The following MANSC1 variants were observed in gnomAD, a reference collection of about 807,000 sequenced individuals.
MANSC1 encodes the protein MANSC domain-containing protein 1.
Under a neutral mutation model 14.1 loss-of-function variants are expected in MANSC1, and 13 were observed. That is an observed-to-expected ratio of 0.92 (90% CI 0.60 to 1.46). MANSC1 has a LOEUF of 1.46. Ranked by LOEUF, MANSC1 falls within the 40% of genes most tolerant of loss-of-function variation. MANSC1 has a pLI of 0.00. For synonymous variants in MANSC1, 227 were observed against 200.7 expected (o/e 1.13, Z -1.11); for missense variants, 486 against 511.4 (o/e 0.95, Z 0.48).
intron 2 of MANSC1, among the ~76,000 whole-genome samples, chr12:12,342,007 C>CA (rs1862940297): frequency 1.3e-5 from 2 of 152,198 alleles, no homozygotes; most frequent in African/African-American, 4.8e-5. Flanking sequence ...GACAAACAAA[C>CA]AAAAAAGTCC....
chr12:12,340,873 C>T (rs928059654), intron 2 of MANSC1, among the ~76,000 whole-genome samples: 17 of 152,122 alleles, frequency 1.1e-4, no homozygotes. Context: ...TTAAATTAAA[C>T]CTCTGTCATT....
chr12:12,341,896 G>C (rs1862938338), intron 2 of MANSC1, among the ~76,000 whole-genome samples: 1 of 152,230 alleles, frequency 6.6e-6, no homozygotes, highest in Non-Finnish European at 1.5e-5. Context: ...GGAGGCTGAG[G>C]CAGGAGAATC....
chr12:12,346,048 C>A (rs968794621), intron 1 of MANSC1, among the ~76,000 whole-genome samples: 1 of 152,138 alleles, frequency 6.6e-6, no homozygotes. Context: ...CCGAGGCAGG[C>A]AGATCATGAG....
Position 12,342,592 on chromosome 12 carries a change from T to G in MANSC1, c.223+500A>C, listed in dbSNP as rs796681248. Among the ~76,000 whole-genome samples, 807 of 118,726 alleles carry G rather than the reference T, an allele frequency of 6.8e-3. 9 individuals are homozygous for G. Among genetic ancestry groups the G allele is most frequent in the African/African-American group, 0.021 (695 of 33,772 alleles). The allele number at this position is 118,726 out of a possible 152,430, so 77.9% of individuals were successfully genotyped here. A position where few individuals can be genotyped will look rare whatever the true frequency, so the allele number is the denominator to read the frequency against. ...GTAGTCAGTGTTTTTTTGTTTTTTT[T>G]TTTTTTTTTTTTTTTTGACTTATCC... On this transcript the variant is annotated intron_variant, in intron 2 of 3. Coordinates refer to ENST00000535902, the MANE Select transcript of MANSC1 (RefSeq NM_018050.4).
At position 12,350,221 on chromosome 12, in the gene MANSC1, G is replaced by A. The variant is rs905059884; in HGVS notation, c.-244C>T. 2 of 152,244 alleles carry A rather than the reference G, an allele frequency of 1.3e-5. No homozygotes were observed. Among genetic ancestry groups the A allele is most frequent in the African/African-American group, 4.8e-5 (2 of 41,462 alleles). 9.4% of individuals were successfully genotyped at this position (152,244 alleles called of 1,614,324 possible). ...GCTCCGCAGCTCCCGCACCGGCCTG[G>A]CGGGTTTTGTGGTTAGCAAGTTCCT... On this transcript the variant is annotated 5_prime_UTR_variant, in exon 1 of 4. Transcript: ENST00000535902.
intron 3 of MANSC1, among the ~76,000 whole-genome samples, chr12:12,334,189 A>AGGCTGCAGTGAGCCATGATCGCGC: frequency 6.6e-6 from 1 of 151,932 alleles, no homozygotes; most frequent in African/African-American, 2.4e-5. Flanking sequence ...CAGGAGGTGG[A>AGGCTGCAGTGAGCCATGATCGCGC]GGCTGCAGTG....
At chr12:12,337,812 A>G (rs1221512762) in intron 3 of MANSC1, among the ~76,000 whole-genome samples, 2 of 152,172 alleles carry the variant, frequency 1.3e-5, no homozygotes, top group Non-Finnish European at 2.9e-5. Flanking sequence ...TTTGCTATTT[A>G]TTTTCCATTC....
At chr12:12,335,791 G>A (rs747570975) in intron 3 of MANSC1, among the ~76,000 whole-genome samples, 11 of 151,180 alleles carry the variant, frequency 7.3e-5, no homozygotes, top group African/African-American at 1.9e-4. Context: ...GCACTGAACC[G>A]ACACTGCATC....
chr12:12,335,908 C>T (rs1285676688), intron 3 of MANSC1, among the ~76,000 whole-genome samples: 11 of 151,886 alleles, frequency 7.2e-5, no homozygotes, highest in Admixed American at 7.2e-4. Context: ...CCCGGCCGGG[C>T]ACGGAGGCTC....
intron 3 of MANSC1, among the ~76,000 whole-genome samples, chr12:12,337,255 C>A (rs181613788): frequency 2.0e-5 from 3 of 151,740 alleles, no homozygotes; most frequent in Non-Finnish European, 4.4e-5. Flanking sequence ...CCAGCCTGGG[C>A]GACAGAGTGA....
intron 3 of MANSC1, among the ~76,000 whole-genome samples, chr12:12,334,093 C>T (rs1862826907): frequency 6.6e-6 from 1 of 151,648 alleles, no homozygotes; most frequent in Non-Finnish European, 1.5e-5. Flanking sequence ...TGCTACAAAA[C>T]ATTTTAAAAA....
At chr12:12,342,087 C>T (rs568119701) in intron 2 of MANSC1, among the ~76,000 whole-genome samples, 9 of 152,234 alleles carry the variant, frequency 5.9e-5, no homozygotes, top group South Asian at 2.1e-4. Context: ...GGACTACATG[C>T]GTGCACCAGC....
At position 12,343,404 on chromosome 12, in the gene MANSC1, G is replaced by A. The variant is rs970797128; in HGVS notation, c.-90C>T. ...GCTTTAAGAAGGCTGCACAGATGAT[G>A]AGATTTCTCTCTAGAACAAAAATGG... On this transcript the variant is annotated 5_prime_UTR_variant, in exon 2 of 4. Transcript: ENST00000535902. 48 of 801,936 alleles carry A rather than the reference G, an allele frequency of 6.0e-5. 1 individual carries two copies. In the Admixed American group the frequency reaches 1.2e-3, roughly 21 times the overall value. The allele number at this position is 801,936 out of a possible 1,614,324, so 49.7% of individuals were successfully genotyped here. A position where few individuals can be genotyped will look rare whatever the true frequency, so the allele number is the denominator to read the frequency against.
In MANSC1 at chr12:12,342,969, G is replaced by A. The variant is rs1467338797; in HGVS notation, c.223+123C>T. 4.3e-5 allele frequency: 30 copies of A among 702,318 alleles called. No individual in the cohort carries two copies. In the South Asian group the frequency reaches 5.2e-4, roughly 12 times the overall value. 43.5% of individuals were successfully genotyped at this position (702,318 alleles called of 1,614,324 possible). On this transcript the variant is annotated intron_variant, in intron 2 of 3. Transcript: ENST00000535902. ...GCACACTTGTAGAAAATTCTCCAGT[G>A]ATTTTGTCACTTATATTCATACCCT...
chr12:12,340,938 G>A (rs1001439190), intron 2 of MANSC1, among the ~76,000 whole-genome samples: 1 of 152,078 alleles, frequency 6.6e-6, no homozygotes, highest in African/African-American at 2.4e-5. Flanking sequence ...TGAGACCATC[G>A]AAGGGATTTT....
intron 3 of MANSC1, among the ~76,000 whole-genome samples, chr12:12,331,439 T>A (rs1418643882): frequency 1.3e-5 from 2 of 151,920 alleles, no homozygotes; most frequent in African/African-American, 4.8e-5. Context: ...ATGGAAAGGG[T>A]TCTCCGTCTT....
intron 2 of MANSC1, among the ~76,000 whole-genome samples, chr12:12,342,397 G>T (rs1261285578): frequency 6.6e-6 from 1 of 152,096 alleles, no homozygotes; most frequent in Non-Finnish European, 1.5e-5. Context: ...TTGAAAAAAG[G>T]TTTTACTAAA....
intron 3 of MANSC1, among the ~76,000 whole-genome samples, chr12:12,337,588 A>C (rs1341059590): frequency 6.6e-6 from 1 of 152,154 alleles, no homozygotes; most frequent in Non-Finnish European, 1.5e-5. Flanking sequence ...AAGCAACAAC[A>C]ACAACAAACC....
chr12:12,338,616 G>C, intron 2 of MANSC1, 56 bp from the exon 3 acceptor site: 1 of 1,563,530 alleles, frequency 6.4e-7, no homozygotes, highest in Non-Finnish European at 8.7e-7. Flanking sequence ...TAAAGAGTAG[G>C]GCAAGTAGGA....
Sources: gnomAD v4.1 joint callset for allele counts (sites outside exome capture counted in the v4.1 genomes callset) on GRCh38, gnomAD v4.1.1 for gene constraint, MANE v1.5 for transcripts, NCBI Gene and HGNC (gene_info 2026-07-23, HGNC 2026-07-21) for gene names.